DCTD: variants seen among roughly 807,000 people sequenced by gnomAD.
The protein encoded by DCTD is deoxycytidylate deaminase.
A neutral mutation model predicts 21.0 loss-of-function variants in DCTD; 23 were observed. The ratio of observed to expected loss-of-function variants is 1.09; its 90% CI spans 0.79 to 1.55. DCTD has a LOEUF of 1.55. Ranked by LOEUF, DCTD falls within the 40% of genes most tolerant of loss-of-function variation. The pLI is 0.00. For missense variants in DCTD, 224 were observed against 230.0 expected (o/e 0.97, Z 0.17); for synonymous variants, 71 against 81.1 (o/e 0.88, Z 0.67).
At chr4:182,902,789 G>A (rs1030750400) in intron 3 of DCTD, among the ~76,000 whole-genome samples, 1 of 152,206 alleles carries the variant, frequency 6.6e-6, no homozygotes, top group Non-Finnish European at 1.5e-5. Flanking sequence ...CACCAGCTGG[G>A]CTGCGATGCC....
rs560114057 is a variant in DCTD at position 182,905,040 on chromosome 4, T to C, written c.244+9883A>G. On this transcript the variant is annotated intron_variant, in intron 3 of 5. Transcript: ENST00000438320. Reference sequence around the variant, plus strand: ...TCCTATCCTACAAACAATGCAATCCTTTCCCGTGGCCTTATCTCCATTCCA... The same window carrying C: ...TCCTATCCTACAAACAATGCAATCCCTTCCCGTGGCCTTATCTCCATTCCA... Among the ~76,000 whole-genome samples the C allele has an allele frequency of 3.0e-4, 45 of 152,274 alleles. 1 individual carries two copies. In the South Asian group the frequency reaches 8.7e-3, roughly 29 times the overall value.
At chr4:182,903,333 G>T (rs960582642) in intron 3 of DCTD, among the ~76,000 whole-genome samples, 2 of 152,098 alleles carry the variant, frequency 1.3e-5, no homozygotes, top group Non-Finnish European at 1.5e-5. Context: ...AGACACTCCT[G>T]CCCCCAGCCC....
intron 1 of DCTD, among the ~76,000 whole-genome samples, chr4:182,916,135 G>A (rs945348977): frequency 6.6e-6 from 1 of 152,012 alleles, no homozygotes; most frequent in Non-Finnish European, 1.5e-5. Context: ...TCCCAACTCT[G>A]ATATTAACCA....
At chr4:182,915,929 G>T (rs1738652702) in intron 1 of DCTD, 3 of 1,047,988 alleles carry the variant, frequency 2.9e-6, no homozygotes, top group Non-Finnish European at 3.5e-6. Flanking sequence ...GTGGAAAAAA[G>T]AAATATTTAT....
intron 3 of DCTD, among the ~76,000 whole-genome samples, chr4:182,900,531 T>C (rs1344954932): frequency 1.3e-5 from 2 of 151,732 alleles, no homozygotes; most frequent in Admixed American, 1.3e-4. Context: ...ATATTCGTAG[T>C]AGGAATAAGG....
At chr4:182,903,860 C>A (rs1736184746) in intron 3 of DCTD, among the ~76,000 whole-genome samples, 1 of 152,186 alleles carries the variant, frequency 6.6e-6, no homozygotes, top group Non-Finnish European at 1.5e-5. Flanking sequence ...TCTTCTTCAG[C>A]CTCAGCCTCC....
At chr4:182,907,357 T>C (rs950803618) in intron 3 of DCTD, among the ~76,000 whole-genome samples, 1 of 152,152 alleles carries the variant, frequency 6.6e-6, no homozygotes, top group Non-Finnish European at 1.5e-5. Flanking sequence ...AGGCTGGTCT[T>C]GAACTCTTGA....
intron 5 of DCTD, among the ~76,000 whole-genome samples, chr4:182,891,958 T>TA (rs1733840412): frequency 4.1e-5 from 1 of 24,614 alleles, no homozygotes; most frequent in Non-Finnish European, 1.5e-4. Context: ...ATAAACCAAC[T>TA]TTTTTTTTTT....
chr4:182,897,704 C>G (rs6552622), intron 3 of DCTD, among the ~76,000 whole-genome samples: 18,006 of 152,102 alleles, frequency 0.12, 1,832 homozygotes, highest in African/African-American at 0.28. Context: ...TGCTGGTTCC[C>G]GTACCCTTCC....
intron 1 of DCTD, chr4:182,916,762 G>A: frequency 9.0e-7 from 1 of 1,116,116 alleles, no homozygotes; most frequent in Non-Finnish European, 1.1e-6. Flanking sequence ...GGGGGCGAGG[G>A]AAGAGCAGGA....
At chr4:182,904,715 G>A (rs920014762) in intron 3 of DCTD, among the ~76,000 whole-genome samples, 5 of 151,890 alleles carry the variant, frequency 3.3e-5, no homozygotes, top group East Asian at 1.9e-4. Context: ...CTCTTCTCCC[G>A]GCATCCAAGC....
At chr4:182,897,214 T>A (rs933311241) in intron 3 of DCTD, among the ~76,000 whole-genome samples, 10 of 152,092 alleles carry the variant, frequency 6.6e-5, no homozygotes, top group African/African-American at 2.4e-4. Flanking sequence ...TTTATAGAAA[T>A]AATGCACAGC....
chr4:182,916,357 C>T, intron 1 of DCTD: 1 of 984,296 alleles, frequency 1.0e-6, no homozygotes, highest in Non-Finnish European at 1.2e-6. Flanking sequence ...GGGGAGTGGT[C>T]GCTTTCAAAA....
intron 2 of DCTD, 81 bp from the exon 3 acceptor site, chr4:182,915,139 G>A: frequency 1.9e-6 from 3 of 1,567,070 alleles, no homozygotes; most frequent in Non-Finnish European, 2.6e-6. Context: ...AAACCAGGGG[G>A]ACTGCAGAAC....
chr4:182,906,046 C>A (rs573608771), intron 3 of DCTD, among the ~76,000 whole-genome samples: 1 of 152,136 alleles, frequency 6.6e-6, no homozygotes, highest in Non-Finnish European at 1.5e-5. Context: ...GCACCCACCC[C>A]CTCCAAGGCC....
At chr4:182,908,149 T>C (rs1737047738) in intron 3 of DCTD, among the ~76,000 whole-genome samples, 1 of 152,218 alleles carries the variant, frequency 6.6e-6, no homozygotes, top group Non-Finnish European at 1.5e-5. Flanking sequence ...TATATTCATA[T>C]TCTACTTTAA....
intron 3 of DCTD, among the ~76,000 whole-genome samples, chr4:182,910,016 G>T (rs1697078239): frequency 6.6e-6 from 1 of 152,134 alleles, no homozygotes; most frequent in African/African-American, 2.4e-5. Flanking sequence ...GAGTATCCCT[G>T]TAGACATAGG....
At chr4:182,904,416 T>C (rs1736294824) in intron 3 of DCTD, among the ~76,000 whole-genome samples, 1 of 152,184 alleles carries the variant, frequency 6.6e-6, no homozygotes, top group South Asian at 2.1e-4. Context: ...AACAGAGCGC[T>C]AATCAGCGCT....
intron 3 of DCTD, among the ~76,000 whole-genome samples, chr4:182,914,255 G>A (rs1347390871): frequency 2.6e-5 from 4 of 152,168 alleles, no homozygotes; most frequent in Non-Finnish European, 4.4e-5. Context: ...TGATCTGCCC[G>A]TCTCCACCTC....
Sources: allele counts gnomAD v4.1 joint callset (sites outside exome capture counted in the v4.1 genomes callset), GRCh38; gene constraint gnomAD v4.1.1; transcripts MANE v1.5; gene names NCBI Gene and HGNC (gene_info 2026-07-23, HGNC 2026-07-21).